Variants in ITSN1 observed in about 807,000 individuals in gnomAD.
The protein encoded by ITSN1 is intersectin 1.
ITSN1 carries 58 observed loss-of-function variants against 239.8 expected under a neutral mutation model. That is an observed-to-expected ratio of 0.24 (90% CI 0.20 to 0.30). ITSN1 has a LOEUF of 0.30. ITSN1 is among the 10% of genes least tolerant of loss of function. The pLI, the probability that ITSN1 is intolerant of heterozygous loss-of-function variation, is 1.00. For synonymous variants in ITSN1, 780 were observed against 770.8 expected (o/e 1.01, Z -0.20); for missense variants, 1,558 against 2,103.3 (o/e 0.74, Z 5.07).
intron 1 of ITSN1, among the ~76,000 whole-genome samples, chr21:33,653,765 G>A (rs1040097420): frequency 6.6e-6 from 1 of 152,062 alleles, no homozygotes; most frequent in Non-Finnish European, 1.5e-5. Context: ...CTCGTGATCC[G>A]CCCGTCTCGG....
At chr21:33,727,827 T>C (rs963447713) in intron 4 of ITSN1, among the ~76,000 whole-genome samples, 1 of 152,114 alleles carries the variant, frequency 6.6e-6, no homozygotes, top group Non-Finnish European at 1.5e-5. Context: ...TTACGGACTT[T>C]ATCCCCAATC....
rs187054566 is a variant in ITSN1 at position 33,665,134 on chromosome 21, G to T, written c.-33+22421G>T. On this transcript the variant is annotated intron_variant, in intron 1 of 39. Coordinates refer to ENST00000381318, the MANE Select transcript of ITSN1 (RefSeq NM_003024.3). Reference sequence around the variant, plus strand: ...AAAAATTAGCTGGGCGTGGTGGCGGGTGCTTGTAATCCCAGCTACTCGGGA... The same window carrying T: ...AAAAATTAGCTGGGCGTGGTGGCGGTTGCTTGTAATCCCAGCTACTCGGGA... Among the ~76,000 whole-genome samples, 755 of 152,174 alleles carry T rather than the reference G, an allele frequency of 5.0e-3. 7 individuals carry two copies. Among genetic ancestry groups the T allele is most frequent in the African/African-American group, 0.018 (735 of 41,504 alleles).
At chr21:33,672,338 G>A (rs997796032) in intron 1 of ITSN1, among the ~76,000 whole-genome samples, 5 of 152,158 alleles carry the variant, frequency 3.3e-5, no homozygotes, top group Middle Eastern at 3.4e-3. Context: ...ACAATCTCAG[G>A]TAAGATGCAA....
At chr21:33,830,132 TACATC>T (rs548778469) in intron 27 of ITSN1, among the ~76,000 whole-genome samples, 122 of 152,338 alleles carry the variant, frequency 8.0e-4, no homozygotes, top group African/African-American at 2.8e-3. Context: ...GCCACATCCA[TACATC>T]ACAGTATTTT....
intron 14 of ITSN1, among the ~76,000 whole-genome samples, chr21:33,779,487 A>G (rs1005015903): frequency 3.9e-5 from 6 of 152,098 alleles, no homozygotes; most frequent in African/African-American, 9.7e-5. Flanking sequence ...GGAATATTCT[A>G]TGGGCGCTTG....
At chr21:33,761,836 G>A (rs143973777) in intron 8 of ITSN1, 87 bp from the exon 9 acceptor site, 5 of 899,122 alleles carry the variant, frequency 5.6e-6, no homozygotes, top group African/African-American at 3.3e-5. Flanking sequence ...AGGTCATGGA[G>A]TAGTCCACAT....
intron 1 of ITSN1, among the ~76,000 whole-genome samples, chr21:33,697,632 CTT>C (rs2091855206): frequency 6.6e-6 from 1 of 152,070 alleles, no homozygotes; most frequent in Non-Finnish European, 1.5e-5. Context: ...TATTCCATAA[CTT>C]ATATTTAAAA....
intron 1 of ITSN1, among the ~76,000 whole-genome samples, chr21:33,671,814 A>G (rs1427172461): frequency 6.6e-6 from 1 of 152,120 alleles, no homozygotes; most frequent in Non-Finnish European, 1.5e-5. Context: ...AAATAAATAA[A>G]TAACTTACAA....
intron 10 of ITSN1, among the ~76,000 whole-genome samples, chr21:33,767,032 G>A (rs1202993850): frequency 6.6e-6 from 1 of 152,112 alleles, no homozygotes; most frequent in East Asian, 1.9e-4. Flanking sequence ...GCCAGGCGTG[G>A]TGGCAGGTGC....
At chr21:33,654,215 G>C (rs2088829740) in intron 1 of ITSN1, among the ~76,000 whole-genome samples, 1 of 149,776 alleles carries the variant, frequency 6.7e-6, no homozygotes, top group African/African-American at 2.5e-5. Context: ...ACCACACCTG[G>C]CTAATTTTTT....
chr21:33,767,258 C>T (rs973402366), intron 10 of ITSN1, among the ~76,000 whole-genome samples: 2 of 152,144 alleles, frequency 1.3e-5, no homozygotes, highest in South Asian at 2.1e-4. Context: ...ATTTGTTTTA[C>T]GAACTATATA....
At chr21:33,871,442 A>C (rs1047490950) in intron 33 of ITSN1, among the ~76,000 whole-genome samples, 66 of 151,902 alleles carry the variant, frequency 4.3e-4, no homozygotes, top group East Asian at 1.4e-3. Flanking sequence ...AAAAACAAAA[A>C]AAAAAACAAA....
At chr21:33,677,773 C>T (rs2090687026) in intron 1 of ITSN1, among the ~76,000 whole-genome samples, 1 of 152,188 alleles carries the variant, frequency 6.6e-6, no homozygotes, top group African/African-American at 2.4e-5. Context: ...TCCGCTCTTC[C>T]ACCACTTTAT....
At chr21:33,659,283 C>T (rs2089353598) in intron 1 of ITSN1, among the ~76,000 whole-genome samples, 1 of 152,198 alleles carries the variant, frequency 6.6e-6, no homozygotes, top group African/African-American at 2.4e-5. Context: ...CTCCCCCATG[C>T]TTTGTGCAGT....
At chr21:33,762,035 G>C (rs1447178637) in intron 9 of ITSN1, 49 bp downstream of exon 9, 8 of 1,345,430 alleles carry the variant, frequency 5.9e-6, no homozygotes, top group Middle Eastern at 1.8e-4. Context: ...AACTTGGTTA[G>C]ATTGGTGTGG....
At position 33,762,631 on chromosome 21, in the gene ITSN1, T is replaced by C. The variant is rs570829677; in HGVS notation, c.788+645T>C. Among the ~76,000 whole-genome samples the C allele has an allele frequency of 3.9e-5, 6 of 152,296 alleles. No individual in the cohort carries two copies. The South Asian group carries it at 1.0e-3, about 26-fold the overall frequency. On this transcript the variant is annotated intron_variant, in intron 9 of 39. Transcript: ENST00000381318. ...TCTACTGCAAATATTTTAGCTTTTA[T>C]CTTCAAAAGAGAGGGATTTTCCTTT...
In ITSN1 at chr21:33,795,322, G is replaced by A. The variant is rs111609456; in HGVS notation, c.1952+854G>A. 7.2e-3 allele frequency among the ~76,000 whole-genome samples: 1,094 copies of A among 152,212 alleles called. 14 individuals carry two copies. Among genetic ancestry groups the A allele is most frequent in the African/African-American group, 0.025 (1,043 of 41,516 alleles). On this transcript the variant is annotated intron_variant, in intron 17 of 39. Transcript: ENST00000381318. ...AAATTAGCTGGGCACGGTGGCACGC[G>A]CCTGTAGTCCCAGCTACTTGGGAGG...
intron 1 of ITSN1, among the ~76,000 whole-genome samples, chr21:33,659,705 C>CTTTTTTTTTTTTTTTTTTTTTTTTT (rs71194859): frequency 1.3e-5 from 1 of 76,608 alleles, no homozygotes. Flanking sequence ...GCAGCCTGTA[C>CTTTTTTTTTTTTTTTTTTTTTTTTT]TTTTTTTTTT....
chr21:33,817,124 A>G (rs1048459423), intron 22 of ITSN1: 4 of 1,181,372 alleles, frequency 3.4e-6, no homozygotes, highest in South Asian at 3.1e-5. Context: ...CCATTCATAT[A>G]TATGATTGAA....
Sources: allele counts gnomAD v4.1 joint callset (sites outside exome capture counted in the v4.1 genomes callset), GRCh38; gene constraint gnomAD v4.1.1; transcripts MANE v1.5; gene names NCBI Gene and HGNC (gene_info 2026-07-23, HGNC 2026-07-21).